Variants in RGS6 observed in about 807,000 individuals in gnomAD.
RGS6 encodes regulator of G-protein signaling 6.
Under a neutral mutation model 78.5 loss-of-function variants are expected in RGS6, and 30 were observed. The observed-to-expected ratio is 0.38, with a 90% CI of 0.29 to 0.52. The LOEUF (loss-of-function observed/expected upper bound fraction) is 0.52, where lower values mean the gene tolerates loss of function less well. Among genes scored for constraint, RGS6 ranks in the 20% least tolerant of loss-of-function variants. The pLI is 0.85. For synonymous variants in RGS6, 206 were observed against 206.0 expected (o/e 1.00, Z 0.00); for missense variants, 495 against 609.7 (o/e 0.81, Z 1.98).
At chr14:72,052,481 A>G (rs1267320814) in intron 2 of RGS6, among the ~76,000 whole-genome samples, 1 of 152,192 alleles carries the variant, frequency 6.6e-6, no homozygotes, top group Non-Finnish European at 1.5e-5. Context: ...TGCTGCAGTG[A>G]TGAGAAGCCT....
At chr14:72,049,358 T>G (rs560731630) in intron 2 of RGS6, among the ~76,000 whole-genome samples, 119 of 152,326 alleles carry the variant, frequency 7.8e-4, no homozygotes, top group Non-Finnish European at 1.5e-3. Flanking sequence ...CTGGCTTTAC[T>G]TGTCCTTAAC....
At chr14:72,111,265 T>G (rs1459233637) in intron 2 of RGS6, among the ~76,000 whole-genome samples, 1 of 152,132 alleles carries the variant, frequency 6.6e-6, no homozygotes, top group East Asian at 1.9e-4. Flanking sequence ...TCTCCTTACA[T>G]GGAAAAAAGG....
the RGS6 span, among the ~76,000 whole-genome samples, chr14:72,601,559 T>C: frequency 6.6e-6 from 1 of 152,206 alleles, no homozygotes; most frequent in Non-Finnish European, 1.5e-5. Flanking sequence ...TAACGTATTG[T>C]GTATTTCAAA....
the RGS6 span, among the ~76,000 whole-genome samples, chr14:71,903,523 C>G: frequency 6.6e-6 from 1 of 152,192 alleles, no homozygotes; most frequent in Non-Finnish European, 1.5e-5. Context: ...GTGGGTTTCC[C>G]ACTTGAATGA....
Position 72,510,155 on chromosome 14 carries a change from A to C in RGS6, c.967A>C (p.Lys323Gln). The change falls in exon 14 of 18, where the codon AAA (lysine) becomes CAA (glutamine). Residue 323 changes from lysine to glutamine, a missense_variant and splice_region_variant. Physicochemically the swap from Lys to Gln is moderately conservative, Grantham distance 53 (BLOSUM62 1). Transcript: ENST00000553525. ...DVALWDIEMS[K>Q]EPSQQRVKRW... ...AAACCTTCTTCCTTCACCCCAAAGC[A>C]AAGAGCCCAGCCAACAGCGAGTAAA... 1 of 1,601,826 alleles carries C rather than the reference A, an allele frequency of 6.2e-7. No individual in the cohort carries two copies. Among genetic ancestry groups the C allele is most frequent in the Admixed American group, 1.7e-5 (1 of 57,162 alleles).
rs779170525 is a variant in RGS6 at position 72,474,714 on chromosome 14, C to G, written c.693+15C>G. On this transcript the variant is annotated intron_variant, in intron 10 of 17. Coordinates refer to ENST00000553525, the MANE Select transcript of RGS6 (RefSeq NM_001204424.2). ...AGGTTAAAAAGGTTCGCTAGTTTAG[C>G]TGAGTTAAAAATTCCTGATGTGAAT... 6.2e-7 allele frequency: 1 copy of G among 1,607,950 alleles called. No homozygotes were observed.
At chr14:72,089,020 T>A (rs1331283294) in intron 2 of RGS6, among the ~76,000 whole-genome samples, 3 of 152,246 alleles carry the variant, frequency 2.0e-5, no homozygotes, top group African/African-American at 4.8e-5. Context: ...GGACACTGTC[T>A]CATTGCACCT....
chr14:72,047,016 C>G (rs2092901461), intron 2 of RGS6, among the ~76,000 whole-genome samples: 1 of 152,190 alleles, frequency 6.6e-6, no homozygotes, highest in Non-Finnish European at 1.5e-5. Flanking sequence ...GCACCAGGAC[C>G]AATGCTTGGA....
intron 2 of RGS6, among the ~76,000 whole-genome samples, chr14:72,054,605 C>T (rs2153422409): frequency 6.6e-6 from 1 of 152,284 alleles, no homozygotes; most frequent in South Asian, 2.1e-4. Context: ...CGCATGATCT[C>T]CTTTCATTTT....
the RGS6 span, among the ~76,000 whole-genome samples, chr14:71,891,379 A>G: frequency 6.6e-6 from 1 of 152,194 alleles, no homozygotes; most frequent in Non-Finnish European, 1.5e-5. Flanking sequence ...CATGGCTGGC[A>G]GTTGATGCTG....
chr14:72,429,419 G>T (rs994478872), intron 3 of RGS6, among the ~76,000 whole-genome samples: 1 of 152,126 alleles, frequency 6.6e-6, no homozygotes, highest in African/African-American at 2.4e-5. Flanking sequence ...CTAGTCTCCT[G>T]CTGAGACTGT....
At chr14:72,105,558 G>A (rs776378568) in intron 2 of RGS6, among the ~76,000 whole-genome samples, 30 of 152,058 alleles carry the variant, frequency 2.0e-4, no homozygotes, top group Admixed American at 5.9e-4. Context: ...TTTCAGACTC[G>A]TTATTTTATT....
chr14:72,002,659 A>C (rs549013509), intron 2 of RGS6, among the ~76,000 whole-genome samples: 1 of 152,162 alleles, frequency 6.6e-6, no homozygotes, highest in African/African-American at 2.4e-5. Flanking sequence ...GACAATGATT[A>C]TGGAGGAGGC....
rs528539503 is a variant in RGS6, at chr14:71,948,203, A to G, written c.-21+15262A>G. On this transcript the variant is annotated intron_variant, in intron 1 of 17. Coordinates refer to ENST00000553525, the MANE Select transcript of RGS6 (RefSeq NM_001204424.2). ...ATATTTCTACCCTCACATCTTTTCA[A>G]CAGTCACCTCACAGGGGAGGAATCT... Among the ~76,000 whole-genome samples the G allele has an allele frequency of 3.1e-4, 47 of 152,284 alleles. 1 individual carries two copies. In the South Asian group the frequency reaches 9.8e-3, roughly 32 times the overall value.
chr14:71,881,406 C>T, the RGS6 span, among the ~76,000 whole-genome samples: 2 of 152,046 alleles, frequency 1.3e-5, no homozygotes, highest in Non-Finnish European at 2.9e-5. Flanking sequence ...TGGCTGTGTC[C>T]CCACCCAAAT....
intron 17 of RGS6, chr14:72,541,751 C>A: frequency 1.0e-6 from 1 of 962,304 alleles, no homozygotes; most frequent in Non-Finnish European, 1.5e-6. Context: ...CCCCCGGAAG[C>A]TCTTGAGGGT....
At chr14:71,945,064 G>T (rs2091304324) in intron 1 of RGS6, among the ~76,000 whole-genome samples, 1 of 152,190 alleles carries the variant, frequency 6.6e-6, no homozygotes, top group African/African-American at 2.4e-5. Context: ...TGTGGTGCAT[G>T]ACTGTAATTG....
At chr14:71,882,981 T>C in the RGS6 span, among the ~76,000 whole-genome samples, 1 of 152,208 alleles carries the variant, frequency 6.6e-6, no homozygotes, top group Non-Finnish European at 1.5e-5. Context: ...AACTTCCTCC[T>C]GTGCCAGGCT....
intron 2 of RGS6, among the ~76,000 whole-genome samples, chr14:72,095,166 C>T (rs2095372964): frequency 1.3e-5 from 2 of 152,070 alleles, no homozygotes; most frequent in South Asian, 4.1e-4. Context: ...GTTTGAGCAG[C>T]TATGATTGAG....
Sources: allele counts gnomAD v4.1 joint callset (sites outside exome capture counted in the v4.1 genomes callset), GRCh38; gene constraint gnomAD v4.1.1; transcripts MANE v1.5; gene names NCBI Gene and HGNC (gene_info 2026-07-23, HGNC 2026-07-21).